The following AKAP10 variants were observed in gnomAD, a reference collection of about 807,000 sequenced individuals.
The protein encoded by AKAP10 is A-kinase anchor protein 10, mitochondrial.
Under a neutral mutation model 80.8 loss-of-function variants are expected in AKAP10, and 24 were observed. That is an observed-to-expected ratio of 0.30 (90% CI 0.22 to 0.42). AKAP10 has a LOEUF of 0.42. Ranked by LOEUF, AKAP10 falls within the 10% of genes least tolerant of loss-of-function variation. AKAP10 has a pLI of 1.00. For missense variants in AKAP10, 661 were observed against 794.9 expected (o/e 0.83, Z 2.03); for synonymous variants, 291 against 277.7 (o/e 1.05, Z -0.48).
chr17:19,948,695 C>A (rs1388550649), intron 4 of AKAP10, among the ~76,000 whole-genome samples: 1 of 152,114 alleles, frequency 6.6e-6, no homozygotes, highest in East Asian at 1.9e-4. Flanking sequence ...AGGGACATCA[C>A]AGAAAAGAAG....
At position 19,906,120 on chromosome 17, in the gene AKAP10, G is replaced by T. The variant is rs761950011; in HGVS notation, c.*107C>A. On this transcript the variant is annotated 3_prime_UTR_variant, in exon 15 of 15. Coordinates refer to ENST00000225737, the MANE Select transcript of AKAP10 (RefSeq NM_007202.4). ...TTCTCTCCTGGAAACAACAGTGACA[G>T]ATCAGAAATATAGTGCTGTTTTCAT... 365 of 1,248,424 alleles carry T rather than the reference G, an allele frequency of 2.9e-4. No homozygotes were observed. The highest frequency in any genetic ancestry group is 3.8e-4 in the Non-Finnish European group (333 of 871,014). 77.3% of individuals were successfully genotyped at this position (1,248,424 alleles called of 1,614,324 possible).
At chr17:19,934,336 G>A (rs1175890246) in intron 9 of AKAP10, among the ~76,000 whole-genome samples, 2 of 152,034 alleles carry the variant, frequency 1.3e-5, no homozygotes, top group Non-Finnish European at 1.5e-5. Context: ...CTAAGCTAAC[G>A]TTGCGGCATA....
chr17:19,952,009 T>C (rs1244561068), intron 4 of AKAP10, among the ~76,000 whole-genome samples: 5 of 150,860 alleles, frequency 3.3e-5, no homozygotes, highest in Admixed American at 1.3e-4. Flanking sequence ...ATATTAATAT[T>C]ATTATGAGTA....
intron 10 of AKAP10, among the ~76,000 whole-genome samples, chr17:19,930,711 TA>T (rs201743344): frequency 2.0e-5 from 3 of 151,014 alleles, no homozygotes; most frequent in South Asian, 2.1e-4. Context: ...CTCCATCATT[TA>T]AAAAAAAAAT....
intron 14 of AKAP10, among the ~76,000 whole-genome samples, chr17:19,908,891 G>C (rs1300226793): frequency 6.6e-6 from 1 of 152,214 alleles, no homozygotes; most frequent in African/African-American, 2.4e-5. Flanking sequence ...AAAGTGCTGG[G>C]ATTACAGGCG....
intron 4 of AKAP10, among the ~76,000 whole-genome samples, chr17:19,955,436 A>G (rs1456030476): frequency 6.6e-6 from 1 of 152,166 alleles, no homozygotes; most frequent in Admixed American, 6.6e-5. Context: ...CTTACTATAT[A>G]TAATATTTGA....
intron 11 of AKAP10, among the ~76,000 whole-genome samples, chr17:19,921,033 A>G (rs914133384): frequency 3.2e-4 from 48 of 151,906 alleles, no homozygotes; most frequent in African/African-American, 1.1e-3. Context: ...TAATAAAATC[A>G]CCCAACAGAA....
At position 19,946,255 on chromosome 17, in the gene AKAP10, A is replaced by AT. The variant is rs1567765757; in HGVS notation, c.976+1151dup. 8.0e-4 allele frequency among the ~76,000 whole-genome samples: 17 copies of AT among 21,346 alleles called. 1 individual carries two copies. The highest frequency in any genetic ancestry group is 1.4e-3 in the African/African-American group (7 of 5,112). 14.0% of individuals were successfully genotyped at this position (21,346 alleles called of 152,430 possible). A position where few individuals can be genotyped will look rare whatever the true frequency, so the allele number is the denominator to read the frequency against. On this transcript the variant is annotated intron_variant, in intron 5 of 14. Transcript: ENST00000225737. Reference sequence around the variant, plus strand: ...ATATATATTATATATATATATATATATATATATATATATATATATATTTTT... The same window carrying AT: ...ATATATATTATATATATATATATATATTATATATATATATATATATATTTTT...
chr17:19,962,914 G>A lies in AKAP10; in HGVS notation c.245C>T (p.Ser82Phe). 6.2e-7 allele frequency: 1 copy of A among 1,614,068 alleles called. No individual in the cohort carries two copies. The highest frequency in any genetic ancestry group is 8.5e-7 in the Non-Finnish European group (1 of 1,179,962). Residue 82 changes from serine (S) to phenylalanine (F), a missense_variant, in exon 3 of 15, where the codon TCC becomes TTC. Physicochemically the swap from Ser to Phe is radical, Grantham distance 155. Transcript: ENST00000225737. ...AINAISANMD[S>F]FSSSRTATLK... is the part of the protein sequence containing the mutation. ...TGTGGCTGTCCTGCTACTTGAAAAG[G>A]AGTCCATGTTGGCAGAAATGGCATT...
intron 5 of AKAP10, among the ~76,000 whole-genome samples, chr17:19,945,729 T>C (rs1307148877): frequency 2.0e-5 from 3 of 152,166 alleles, no homozygotes; most frequent in African/African-American, 7.2e-5. Context: ...TCCCCAGCAG[T>C]GAGTGAGTGC....
Position 19,957,411 on chromosome 17 carries a change from A to G in AKAP10, c.877+603T>C, listed in dbSNP as rs576895747. On this transcript the variant is annotated intron_variant, in intron 4 of 14. Coordinates refer to ENST00000225737, the MANE Select transcript of AKAP10 (RefSeq NM_007202.4). ...AAAAAAATTAGCCGGGTGTGGTGGC[A>G]GGCGCCTGTAGTCCCAGCTATTTGG... Among the ~76,000 whole-genome samples the G allele has an allele frequency of 5.9e-5, 9 of 151,898 alleles. No individual in the cohort carries two copies. The East Asian group carries it at 1.8e-3, about 30-fold the overall frequency.
chr17:19,930,276 A>G (rs1053963168), intron 10 of AKAP10, among the ~76,000 whole-genome samples: 3 of 152,176 alleles, frequency 2.0e-5, no homozygotes, highest in African/African-American at 7.2e-5. Context: ...GAAGGGGAAT[A>G]TTTCTGGCTC....
intron 3 of AKAP10, among the ~76,000 whole-genome samples, chr17:19,962,333 T>G: frequency 6.6e-6 from 1 of 150,706 alleles, no homozygotes; most frequent in South Asian, 2.1e-4. Context: ...CATACACACC[T>G]GCACATATGA....
chr17:19,923,271 T>C (rs528466232), intron 11 of AKAP10, among the ~76,000 whole-genome samples: 1 of 151,506 alleles, frequency 6.6e-6, no homozygotes, highest in South Asian at 2.1e-4. Flanking sequence ...AGAGACGGGG[T>C]TTCACCATGT....
rs552400202 is a variant in AKAP10, at chr17:19,958,355, T to C, written c.536A>G (p.Gln179Arg). The C allele has an allele frequency of 1.2e-6, 2 of 1,614,266 alleles. No homozygotes were observed. Among genetic ancestry groups the C allele is most frequent in the African/African-American group, 1.3e-5 (1 of 75,078 alleles). ...AGAGACAGGCTCAGCCAGTGAGCTCTGCTTCACTGTGTTTAGACTGTGTGC... is the reference window on the plus strand; with the variant it reads ...AGAGACAGGCTCAGCCAGTGAGCTCCGCTTCACTGTGTTTAGACTGTGTGC... ...IRAHSLNTVK[Q>R]SSLAEPVSPS... Residue 179 changes from glutamine (Q) to arginine (R), a missense_variant, in exon 4 of 15, where the codon CAG (glutamine) becomes CGG (arginine). Transcript: ENST00000225737.
chr17:19,934,746 C>T (rs752377803), intron 9 of AKAP10, among the ~76,000 whole-genome samples: 1 of 152,140 alleles, frequency 6.6e-6, no homozygotes, highest in African/African-American at 2.4e-5. Flanking sequence ...GGCATGGTAG[C>T]TCATGCCTGT....
At chr17:19,946,218 TA>T (rs2043107828) in intron 5 of AKAP10, among the ~76,000 whole-genome samples, 1 of 51,736 alleles carries the variant, frequency 1.9e-5, no homozygotes, top group Non-Finnish European at 3.7e-5. Context: ...TATATATATA[TA>T]TTTTATATAT....
chr17:19,921,319 C>T (rs1313290932), intron 11 of AKAP10, among the ~76,000 whole-genome samples: 1 of 151,878 alleles, frequency 6.6e-6, no homozygotes, highest in Non-Finnish European at 1.5e-5. Context: ...GGGTGCGCCA[C>T]CACGCCCAGC....
chr17:19,942,900 T>G (rs2043064534), intron 5 of AKAP10, among the ~76,000 whole-genome samples: 1 of 152,064 alleles, frequency 6.6e-6, no homozygotes, highest in Admixed American at 6.6e-5. Context: ...CCCAGTTTTT[T>G]TTTTTTCCTT....
Sources: allele counts gnomAD v4.1 joint callset (sites outside exome capture counted in the v4.1 genomes callset), GRCh38; gene constraint gnomAD v4.1.1; transcripts MANE v1.5; gene names NCBI Gene and HGNC (gene_info 2026-07-23, HGNC 2026-07-21).